HDAC9: variants seen among roughly 807,000 people sequenced by gnomAD.
The protein encoded by HDAC9 is MEF-2 interacting transcription repressor (MITR) protein.
In HDAC9, 41 loss-of-function variants were observed where a neutral mutation model predicts 139.4. The observed-to-expected ratio is 0.29, with a 90% CI of 0.23 to 0.38. The LOEUF is 0.38. Ranked by LOEUF, HDAC9 falls within the 10% of genes least tolerant of loss-of-function variation. The pLI, the probability that HDAC9 is intolerant of heterozygous loss-of-function variation, is 1.00. For missense variants in HDAC9, 1,147 were observed against 1,297.0 expected, an observed-to-expected ratio of 0.88 and a Z score of 1.78; for synonymous variants, 517 against 476.2, an observed-to-expected ratio of 1.09 and a Z score of -1.12.
intron 2 of HDAC9, among the ~76,000 whole-genome samples, chr7:18,207,771 A>G (rs953495031): frequency 2.0e-5 from 3 of 151,540 alleles, no homozygotes; most frequent in Admixed American, 6.6e-5. Flanking sequence ...CTGGAGTGCA[A>G]TGGCGCGATC....
intron 25 of HDAC9, among the ~76,000 whole-genome samples, chr7:18,983,925 A>G (rs1374010177): frequency 4.6e-5 from 7 of 151,716 alleles, no homozygotes; most frequent in Non-Finnish European, 1.5e-5. Flanking sequence ...TCTTCCACCA[A>G]CCCTTTATTG....
At position 18,575,003 on chromosome 7, in the gene HDAC9, G is replaced by A. The variant is rs568690671; in HGVS notation, c.23-10278G>A. On this transcript the variant is annotated intron_variant, in intron 2 of 25. Coordinates refer to ENST00000686413, the MANE Select transcript of HDAC9 (RefSeq NM_178425.4). ...GCTCCCGCCTGTTCCCAGCTCCTGC[G>A]GGCTCCATGGAGTGGGCAGCCCCCG... is the stretch of plus-strand genomic sequence containing the variant. Among the ~76,000 whole-genome samples, 4 of 152,342 alleles carry A rather than the reference G, an allele frequency of 2.6e-5. No homozygotes were observed. In the East Asian group the frequency reaches 5.8e-4, roughly 22 times the overall value.
intron 2 of HDAC9, among the ~76,000 whole-genome samples, chr7:18,231,952 C>G (rs548892067): frequency 6.6e-6 from 1 of 152,118 alleles, no homozygotes; most frequent in South Asian, 2.1e-4. Context: ...TGGAAAGATA[C>G]AAACTGAAAA....
At chr7:18,095,226 T>C (rs1782431452) in intron 1 of HDAC9, among the ~76,000 whole-genome samples, 1 of 152,146 alleles carries the variant, frequency 6.6e-6, no homozygotes, top group South Asian at 2.1e-4. Context: ...CCCTGATTAC[T>C]ACAACACACT....
chr7:18,971,142 A>G (rs1437908897), intron 24 of HDAC9, among the ~76,000 whole-genome samples: 5 of 152,136 alleles, frequency 3.3e-5, no homozygotes, highest in Non-Finnish European at 5.9e-5. Context: ...TCCATTCTAT[A>G]CTTTTTATCT....
At chr7:18,795,143 C>A (rs1052607994) in intron 17 of HDAC9, among the ~76,000 whole-genome samples, 1 of 151,494 alleles carries the variant, frequency 6.6e-6, no homozygotes, top group Non-Finnish European at 1.5e-5. Flanking sequence ...GGCATGCTGA[C>A]CACCAGCTGT....
At chr7:18,817,238 G>T (rs913542841) in intron 17 of HDAC9, among the ~76,000 whole-genome samples, 3 of 152,154 alleles carry the variant, frequency 2.0e-5, no homozygotes, top group Non-Finnish European at 4.4e-5. Context: ...GTTTCACCGT[G>T]TTAGCCAGGA....
At chr7:18,919,931 G>C (rs1156829114) in intron 22 of HDAC9, among the ~76,000 whole-genome samples, 3 of 152,106 alleles carry the variant, frequency 2.0e-5, no homozygotes, top group Non-Finnish European at 4.4e-5. Context: ...CAGGTAGCAT[G>C]ATGCCTCCAG....
chr7:18,314,206 G>T (rs576003409), intron 1 of HDAC9, among the ~76,000 whole-genome samples: 1 of 152,164 alleles, frequency 6.6e-6, no homozygotes, highest in African/African-American at 2.4e-5. Flanking sequence ...GGATATGTGG[G>T]TGAGGAGGCC....
At chr7:18,418,165 C>T (rs1247481289) in intron 1 of HDAC9, among the ~76,000 whole-genome samples, 30 of 152,076 alleles carry the variant, frequency 2.0e-4, no homozygotes, top group Admixed American at 2.0e-3. Flanking sequence ...TTGTTCGCTT[C>T]AGGGTTTTAG....
intron 1 of HDAC9, among the ~76,000 whole-genome samples, chr7:18,100,300 T>A (rs1430498032): frequency 2.0e-5 from 3 of 152,144 alleles, no homozygotes; most frequent in Non-Finnish European, 4.4e-5. Flanking sequence ...ATGTTTCTTG[T>A]GCTTTGGGTT....
intron 1 of HDAC9, among the ~76,000 whole-genome samples, chr7:18,383,586 G>T (rs1785634624): frequency 6.6e-6 from 1 of 151,932 alleles, no homozygotes; most frequent in Non-Finnish European, 1.5e-5. Flanking sequence ...TCACAGGATT[G>T]AATGTAAAAA....
intron 12 of HDAC9, among the ~76,000 whole-genome samples, chr7:18,712,486 A>C (rs1784417584): frequency 6.6e-6 from 1 of 152,254 alleles, no homozygotes. Flanking sequence ...TAATAACTAA[A>C]AGCATGATTT....
intron 2 of HDAC9, among the ~76,000 whole-genome samples, chr7:18,276,947 C>T (rs1261465918): frequency 4.0e-5 from 6 of 151,850 alleles, no homozygotes; most frequent in Non-Finnish European, 7.4e-5. Flanking sequence ...TTTTTCTATA[C>T]CTAAATTTTT....
intron 1 of HDAC9, among the ~76,000 whole-genome samples, chr7:18,128,844 C>T (rs1784833567): frequency 6.6e-6 from 1 of 151,992 alleles, no homozygotes; most frequent in Non-Finnish European, 1.5e-5. Context: ...CCCTCTCTTC[C>T]TGTCTCTCTT....
At chr7:18,111,396 T>A (rs950004141) in intron 1 of HDAC9, among the ~76,000 whole-genome samples, 4 of 152,116 alleles carry the variant, frequency 2.6e-5, no homozygotes, top group Admixed American at 6.6e-5. Flanking sequence ...TGTGAATATT[T>A]AAGGAGAAAG....
intron 1 of HDAC9, among the ~76,000 whole-genome samples, chr7:18,408,790 CA>C (rs1228579739): frequency 1.3e-5 from 2 of 152,098 alleles, no homozygotes; most frequent in Non-Finnish European, 2.9e-5. Context: ...TGGGTATTTA[CA>C]TAAGAGCAAA....
At chr7:18,763,454 A>C (rs1422353228) in intron 15 of HDAC9, among the ~76,000 whole-genome samples, 1 of 152,202 alleles carries the variant, frequency 6.6e-6, no homozygotes. Flanking sequence ...TAGAAAGTAC[A>C]TTGCTAATAT....
intron 8 of HDAC9, among the ~76,000 whole-genome samples, chr7:18,635,956 AAC>A (rs974750137): frequency 6.6e-6 from 1 of 152,122 alleles, no homozygotes; most frequent in African/African-American, 2.4e-5. Context: ...TATACACACA[AAC>A]ACAATATGAT....
Sources: allele counts gnomAD v4.1 joint callset (sites outside exome capture counted in the v4.1 genomes callset), GRCh38; gene constraint gnomAD v4.1.1; transcripts MANE v1.5; gene names NCBI Gene and HGNC (gene_info 2026-07-23, HGNC 2026-07-21).